Variants in SVOPL observed in about 807,000 individuals in gnomAD.
SVOPL encodes SVOP like.
A neutral mutation model predicts 61.0 loss-of-function variants in SVOPL; 60 were observed. The ratio of observed to expected loss-of-function variants is 0.98; its 90% CI spans 0.80 to 1.22. SVOPL has a LOEUF of 1.22. Ranked by LOEUF, SVOPL falls within the 50% of genes most tolerant of loss-of-function variation. The pLI is 0.00. For missense variants in SVOPL, 662 were observed against 643.9 expected (o/e 1.03, Z -0.30); for synonymous variants, 279 against 250.0 (o/e 1.12, Z -1.09).
At chr7:138,595,704 C>G (rs1798248623) in intron 15 of SVOPL, among the ~76,000 whole-genome samples, 1 of 152,088 alleles carries the variant, frequency 6.6e-6, no homozygotes. Flanking sequence ...TATAAAGGAT[C>G]TGATAATCCT....
At chr7:138,594,693 G>C in intron 15 of SVOPL, 72 bp from the exon 16 acceptor site, 1 of 1,096,022 alleles carries the variant, frequency 9.1e-7, no homozygotes, top group South Asian at 2.0e-5. Flanking sequence ...TGAGCTATCT[G>C]ATATTTTAGT....
intron 9 of SVOPL, among the ~76,000 whole-genome samples, chr7:138,631,260 T>C (rs755259441): frequency 2.2e-4 from 34 of 152,170 alleles, no homozygotes; most frequent in Non-Finnish European, 4.7e-4. Context: ...TGAGCTGTTT[T>C]GATAAACCTC....
chr7:138,645,015 G>A (rs752248525), intron 8 of SVOPL, among the ~76,000 whole-genome samples, 170 bp from the exon 9 acceptor site: 3 of 152,092 alleles, frequency 2.0e-5, no homozygotes, highest in Non-Finnish European at 4.4e-5. Flanking sequence ...AAGTTGATTT[G>A]GAACAAAAAA....
chr7:138,655,642 ATATATATAT>A (rs1225000692), intron 7 of SVOPL, among the ~76,000 whole-genome samples: 4 of 55,864 alleles, frequency 7.2e-5, no homozygotes, highest in South Asian at 4.4e-4. Context: ...ATATACTATT[ATATATATAT>A]TATACTAATA....
chr7:138,605,191 TAAA>T (rs34189478), intron 14 of SVOPL, among the ~76,000 whole-genome samples: 5 of 133,150 alleles, frequency 3.8e-5, no homozygotes, highest in Admixed American at 7.5e-5. Flanking sequence ...GACATTTATT[TAAA>T]AAAAAAAAAA....
chr7:138,650,717 G>A (rs113103840), intron 7 of SVOPL, among the ~76,000 whole-genome samples: 19,453 of 122,110 alleles, frequency 0.16, 2,109 homozygotes, highest in African/African-American at 0.25. Flanking sequence ...GGAGGCTGAG[G>A]TGGAAGGATC....
At chr7:138,647,440 A>C (rs2117012737) in intron 8 of SVOPL, among the ~76,000 whole-genome samples, 1 of 152,280 alleles carries the variant, frequency 6.6e-6, no homozygotes, top group Non-Finnish European at 1.5e-5. Context: ...GGTCTTCCTG[A>C]GAGACAGAGT....
intron 1 of SVOPL, among the ~76,000 whole-genome samples, chr7:138,687,228 CTTTTTTTTT>C (rs71179722): frequency 1.3e-5 from 1 of 77,024 alleles, no homozygotes; most frequent in Non-Finnish European, 2.3e-5. Flanking sequence ...CTTTTTTCCT[CTTTTTTTTT>C]TTTTTTTTTT....
intron 6 of SVOPL, among the ~76,000 whole-genome samples, chr7:138,657,877 G>A (rs1801822728): frequency 6.6e-6 from 1 of 152,164 alleles, no homozygotes; most frequent in Non-Finnish European, 1.5e-5. Context: ...GTGAATTCAA[G>A]GGGAGGGGAG....
In SVOPL at chr7:138,599,167, A is replaced by AAAAAAAAAAAAAAAC. The variant is rs58372563; in HGVS notation, c.1354-2638_1354-2637insGTTTTTTTTTTTTTT. Among the ~76,000 whole-genome samples the AAAAAAAAAAAAAAAC allele has an allele frequency of 1.5e-4, 18 of 121,790 alleles. 1 individual carries two copies. The highest frequency in any genetic ancestry group is 2.3e-4 in the Non-Finnish European group (14 of 60,588). The allele number at this position is 121,790 out of a possible 152,430, so 79.9% of individuals were successfully genotyped here. A position where few individuals can be genotyped will look rare whatever the true frequency, so the allele number is the denominator to read the frequency against. ...AAAAAAAAAAAAAAAACCAAAAAAA[A>AAAAAAAAAAAAAAAC]AAGAAATACAGAAATGTCAAAAGAC... is the stretch of plus-strand genomic sequence containing the variant. On this transcript the variant is annotated intron_variant, in intron 14 of 15. Transcript: ENST00000674285.
intron 1 of SVOPL, among the ~76,000 whole-genome samples, chr7:138,685,358 T>C (rs1802784066): frequency 6.6e-6 from 1 of 152,164 alleles, no homozygotes; most frequent in African/African-American, 2.4e-5. Flanking sequence ...CTATGTTGTA[T>C]CATTTACATG....
intron 1 of SVOPL, among the ~76,000 whole-genome samples, chr7:138,693,944 C>T (rs1803010403): frequency 6.6e-6 from 1 of 152,196 alleles, no homozygotes; most frequent in Non-Finnish European, 1.5e-5. Context: ...AGAATACATA[C>T]AGTGGCTGGC....
chr7:138,687,079 A>T (rs1802833238), intron 1 of SVOPL, among the ~76,000 whole-genome samples: 1 of 152,162 alleles, frequency 6.6e-6, no homozygotes, highest in Non-Finnish European at 1.5e-5. Context: ...TAGTGGGAAA[A>T]GCAAAATAAT....
chr7:138,597,618 A>C (rs1454339891), intron 14 of SVOPL, among the ~76,000 whole-genome samples: 1 of 147,462 alleles, frequency 6.8e-6, no homozygotes, highest in East Asian at 2.1e-4. Context: ...ATTTTCCCCA[A>C]ACAGGAGTTT....
intron 9 of SVOPL, among the ~76,000 whole-genome samples, chr7:138,640,324 C>T (rs1176838325): frequency 2.6e-5 from 4 of 151,890 alleles, no homozygotes; most frequent in East Asian, 3.9e-4. Context: ...CTCTGCCTCC[C>T]GGGTTCAAGC....
At chr7:138,680,428 C>T (rs1190504008) in intron 1 of SVOPL, among the ~76,000 whole-genome samples, 2 of 152,102 alleles carry the variant, frequency 1.3e-5, no homozygotes, top group African/African-American at 4.8e-5. Flanking sequence ...GGATTACAGG[C>T]GTGAGCCACC....
chr7:138,597,641 C>CGTGTGCGTGTGTGTGTGT (rs1798333997), intron 14 of SVOPL, among the ~76,000 whole-genome samples: 1 of 147,518 alleles, frequency 6.8e-6, no homozygotes, highest in East Asian at 2.0e-4. Context: ...ATAACGTCTG[C>CGTGTGCGTGTGTGTGTGT]GTGTGTGTGT....
intron 1 of SVOPL, among the ~76,000 whole-genome samples, chr7:138,693,556 A>AAAAG (rs1563140825): frequency 1.5e-5 from 2 of 131,146 alleles, no homozygotes; most frequent in African/African-American, 7.4e-5. Context: ...AAAGAAAGAA[A>AAAAG]GAAAGAAAGA....
chr7:138,649,394 A>AGC (rs1273318907), intron 7 of SVOPL, among the ~76,000 whole-genome samples: 2 of 152,024 alleles, frequency 1.3e-5, no homozygotes, highest in Non-Finnish European at 2.9e-5. Flanking sequence ...CCTGGGTTCA[A>AGC]ATGATTCTCA....
Sources: gnomAD v4.1 joint callset for allele counts (sites outside exome capture counted in the v4.1 genomes callset) on GRCh38, gnomAD v4.1.1 for gene constraint, MANE v1.5 for transcripts, NCBI Gene and HGNC (gene_info 2026-07-23, HGNC 2026-07-21) for gene names.